SYNDIG1: variants seen among roughly 807,000 people sequenced by gnomAD.
The protein encoded by SYNDIG1 is synapse differentiation-inducing gene protein 1.
In SYNDIG1, 9 loss-of-function variants were observed where a neutral mutation model predicts 19.4. That is an observed-to-expected ratio of 0.46 (90% CI 0.28 to 0.81). The LOEUF (loss-of-function observed/expected upper bound fraction) is 0.81. Ranked by LOEUF, SYNDIG1 falls within the 30% of genes least tolerant of loss-of-function variation. The pLI is 0.12. For missense variants in SYNDIG1, 311 were observed against 343.3 expected (o/e 0.91, Z 0.74); for synonymous variants, 141 against 145.9 (o/e 0.97, Z 0.24).
rs570017037 is a variant in SYNDIG1 at position 24,506,942 on chromosome 20, G to C, written c.-78-36078G>C. ...GTCATGAGGGGATTCTAGAATAAAG[G>C]AAGGATTTGGCAAGAGTGCCCAGGT... On this transcript the variant is annotated intron_variant, in intron 1 of 3. Coordinates refer to ENST00000376862, the MANE Select transcript of SYNDIG1 (RefSeq NM_024893.3). 1.4e-4 allele frequency among the ~76,000 whole-genome samples: 21 copies of C among 152,352 alleles called. 1 individual carries two copies. The highest frequency in any genetic ancestry group is 5.0e-4 in the African/African-American group (21 of 41,590).
intron 1 of SYNDIG1, among the ~76,000 whole-genome samples, chr20:24,493,166 AC>A (rs2056202399): frequency 6.6e-6 from 1 of 152,252 alleles, no homozygotes; most frequent in Non-Finnish European, 1.5e-5. Flanking sequence ...AACCTAAATG[AC>A]ACTTGATCAT....
chr20:24,480,510 T>C (rs990784801), intron 1 of SYNDIG1, among the ~76,000 whole-genome samples: 1 of 152,224 alleles, frequency 6.6e-6, no homozygotes, highest in Admixed American at 6.5e-5. Context: ...TTGGAACCCA[T>C]GTGCACTACT....
intron 1 of SYNDIG1, among the ~76,000 whole-genome samples, chr20:24,512,154 T>TATATGC (rs1412172650): frequency 2.7e-5 from 3 of 111,982 alleles, no homozygotes; most frequent in African/African-American, 1.0e-4. Context: ...TATATATATA[T>TATATGC]GCAGTGGTTC....
At chr20:24,565,433 G>A (rs2058026398) in intron 2 of SYNDIG1, among the ~76,000 whole-genome samples, 1 of 152,206 alleles carries the variant, frequency 6.6e-6, no homozygotes, top group Non-Finnish European at 1.5e-5. Context: ...GAGGGTGCTG[G>A]GACAGGATGG....
chr20:24,547,047 C>T (rs1030709851), intron 2 of SYNDIG1, among the ~76,000 whole-genome samples: 12 of 151,524 alleles, frequency 7.9e-5, no homozygotes, highest in Non-Finnish European at 1.2e-4. Context: ...TCAGAGGGGG[C>T]CACCTCATTG....
intron 2 of SYNDIG1, among the ~76,000 whole-genome samples, chr20:24,554,753 G>A (rs6049785): frequency 0.5 from 74,701 of 148,286 alleles, 18,704 homozygotes; most frequent in East Asian, 0.6. Context: ...AAGGATATTG[G>A]TCTAAAATTC....
At chr20:24,584,452 A>G (rs573407675) in intron 2 of SYNDIG1, among the ~76,000 whole-genome samples, 4 of 152,320 alleles carry the variant, frequency 2.6e-5, no homozygotes, top group African/African-American at 9.6e-5. Flanking sequence ...CATGGTGGCA[A>G]CGGGGCCAGT....
chr20:24,661,308 AGGAAAGG>A (rs2059583142), intron 3 of SYNDIG1, among the ~76,000 whole-genome samples: 1 of 115,744 alleles, frequency 8.6e-6, no homozygotes, highest in African/African-American at 3.1e-5. Flanking sequence ...GGAGGGAGGG[AGGAAAGG>A]GGAGGGAGGG....
chr20:24,557,957 G>T (rs1252586589), intron 2 of SYNDIG1, among the ~76,000 whole-genome samples: 4 of 152,238 alleles, frequency 2.6e-5, no homozygotes. Flanking sequence ...TTAATCAGGT[G>T]CTGCAGCCGA....
intron 3 of SYNDIG1, among the ~76,000 whole-genome samples, chr20:24,609,689 T>C (rs1240938445): frequency 1.3e-5 from 2 of 152,168 alleles, no homozygotes; most frequent in East Asian, 1.9e-4. Flanking sequence ...CACTAGAGTA[T>C]AGGAAACTGG....
intron 1 of SYNDIG1, among the ~76,000 whole-genome samples, chr20:24,517,708 GTA>G (rs1056201078): frequency 1.4e-5 from 2 of 143,522 alleles, no homozygotes; most frequent in South Asian, 2.2e-4. Context: ...ATATATATGT[GTA>G]TATATATGTG....
At chr20:24,635,093 C>T (rs532004121) in intron 3 of SYNDIG1, among the ~76,000 whole-genome samples, 2 of 152,338 alleles carry the variant, frequency 1.3e-5, no homozygotes, top group African/African-American at 4.8e-5. Flanking sequence ...CTTCTGCCCA[C>T]TCCTCACCCT....
intron 2 of SYNDIG1, among the ~76,000 whole-genome samples, chr20:24,553,898 G>A (rs1485564758): frequency 1.3e-5 from 2 of 152,234 alleles, no homozygotes; most frequent in East Asian, 3.9e-4. Context: ...ATTACCTTGG[G>A]CAGTATGGCC....
At chr20:24,484,690 A>G (rs1021823172) in intron 1 of SYNDIG1, among the ~76,000 whole-genome samples, 13 of 152,296 alleles carry the variant, frequency 8.5e-5, no homozygotes, top group African/African-American at 2.9e-4. Context: ...AAATACTCCA[A>G]TTACTTGCCC....
intron 2 of SYNDIG1, among the ~76,000 whole-genome samples, chr20:24,560,252 G>A (rs777358998): frequency 3.3e-4 from 50 of 151,014 alleles, no homozygotes; most frequent in Admixed American, 1.2e-3. Context: ...TATTTTTTTA[G>A]TAGAGACAGG....
chr20:24,523,808 G>C (rs1357782905), intron 1 of SYNDIG1, among the ~76,000 whole-genome samples: 1 of 152,196 alleles, frequency 6.6e-6, no homozygotes, highest in Non-Finnish European at 1.5e-5. Context: ...TTAACTTCCA[G>C]CTGTGCATGC....
At chr20:24,504,417 G>C (rs2056536240) in intron 1 of SYNDIG1, among the ~76,000 whole-genome samples, 1 of 152,160 alleles carries the variant, frequency 6.6e-6, no homozygotes, top group African/African-American at 2.4e-5. Flanking sequence ...GGAACCCCTG[G>C]AAAGAAAACA....
chr20:24,598,099 G>C (rs1449977908), intron 3 of SYNDIG1, among the ~76,000 whole-genome samples: 2 of 152,204 alleles, frequency 1.3e-5, no homozygotes, highest in Non-Finnish European at 2.9e-5. Flanking sequence ...GGGCCTGTTT[G>C]GGTGTCAGCA....
rs1389274903 is a variant in SYNDIG1 at position 24,658,162 on chromosome 20, G to C, written c.619-7184G>C. Among the ~76,000 whole-genome samples the C allele has an allele frequency of 6.6e-6, 1 of 152,192 alleles. No individual in the cohort carries two copies. The highest frequency in any genetic ancestry group is 2.4e-5 in the African/African-American group (1 of 41,440). ...TCATGATTTTTCCAAAACCTCAAACGACAGTGGGTATTTTCCAGCCAAAGG... is the reference window on the plus strand; with the variant it reads ...TCATGATTTTTCCAAAACCTCAAACCACAGTGGGTATTTTCCAGCCAAAGG... On this transcript the variant is annotated intron_variant, in intron 3 of 3. Coordinates refer to ENST00000376862, the MANE Select transcript of SYNDIG1 (RefSeq NM_024893.3). This position sits in a 1 kb window ranked among gnomAD's most constrained non-coding sequence, Gnocchi z 4.4.
Sources: gnomAD v4.1 joint callset for allele counts (sites outside exome capture counted in the v4.1 genomes callset) on GRCh38, gnomAD v4.1.1 for gene constraint, Gnocchi (gnomAD v3.1) non-coding constraint, MANE v1.5 for transcripts, NCBI Gene and HGNC (gene_info 2026-07-23, HGNC 2026-07-21) for gene names.